Variants in ACADSB observed in about 807,000 individuals in gnomAD.
ACADSB encodes acyl-CoA dehydrogenase short/branched chain, also known as short/branched chain specific acyl-CoA dehydrogenase, mitochondrial.
Under a neutral mutation model 54.1 loss-of-function variants are expected in ACADSB, and 40 were observed. That is an observed-to-expected ratio of 0.74 (90% CI 0.57 to 0.96). The LOEUF (loss-of-function observed/expected upper bound fraction) is 0.96. ACADSB is among the 40% of genes least tolerant of loss of function. The pLI is 0.00. For missense variants in ACADSB, 530 were observed against 510.4 expected (o/e 1.04, Z -0.37); for synonymous variants, 182 against 182.8 (o/e 1.00, Z 0.03).
At chr10:123,048,061 T>C (rs916227116) in intron 8 of ACADSB, among the ~76,000 whole-genome samples, 1 of 151,602 alleles carries the variant, frequency 6.6e-6, no homozygotes, top group Non-Finnish European at 1.5e-5. Context: ...ACCAAACCTT[T>C]TAGGCAACCT....
Position 123,043,101 on chromosome 10 carries a change from T to C in ACADSB, c.737T>C (p.Ile246Thr). Residue 246 changes from isoleucine to threonine, a missense_variant, in exon 6 of 11, where the codon ATA becomes ACA. Coordinates refer to ENST00000358776, the MANE Select transcript of ACADSB (RefSeq NM_001609.4). ...LVDRDTPGLH[I>T]GKPENKLGLR... is the part of the protein sequence containing the mutation. ...GATCGTGATACTCCGGGCCTTCATATAGGGAAACCTGAAAACAAATTGGGG... is the reference window on the plus strand; with the variant it reads ...GATCGTGATACTCCGGGCCTTCATACAGGGAAACCTGAAAACAAATTGGGG... The C allele has an allele frequency of 1.2e-6, 2 of 1,614,024 alleles. No homozygotes were observed. Among genetic ancestry groups the C allele is most frequent in the East Asian group, 2.2e-5 (1 of 44,870 alleles).
chr10:123,016,568 G>A (rs1850111915), intron 1 of ACADSB, among the ~76,000 whole-genome samples: 1 of 152,140 alleles, frequency 6.6e-6, no homozygotes, highest in South Asian at 2.1e-4. Flanking sequence ...ATAGACATAC[G>A]GAGTCCTTCT....
chr10:123,018,780 G>C (rs1317059221), intron 1 of ACADSB, among the ~76,000 whole-genome samples: 1 of 152,198 alleles, frequency 6.6e-6, no homozygotes. Context: ...AGAGAGAAGT[G>C]CAGGGGAACT....
At chr10:123,044,262 G>A (rs765709345) in intron 6 of ACADSB, 131 bp from the exon 7 acceptor site, 17 of 757,718 alleles carry the variant, frequency 2.2e-5, no homozygotes, top group East Asian at 1.7e-4. Flanking sequence ...CGTAGAGGGA[G>A]ACACAGATGC....
chr10:123,053,002 G>A (rs1345236166), intron 9 of ACADSB, 59 bp from the exon 10 acceptor site: 5 of 1,329,826 alleles, frequency 3.8e-6, no homozygotes, highest in South Asian at 1.2e-5. Flanking sequence ...TTACCCAGAA[G>A]TGTTTATCAT....
chr10:123,030,672 G>A (rs12257102), intron 1 of ACADSB, among the ~76,000 whole-genome samples: 45,199 of 151,872 alleles, frequency 0.3, 7,941 homozygotes, highest in Non-Finnish European at 0.39. Flanking sequence ...TTCATATATT[G>A]TGAAAGCTTC....
At chr10:123,031,038 C>G (rs1850320236) in intron 1 of ACADSB, among the ~76,000 whole-genome samples, 1 of 152,138 alleles carries the variant, frequency 6.6e-6, no homozygotes, top group Non-Finnish European at 1.5e-5. Context: ...AGCAGTAGTT[C>G]TATTCACAGA....
chr10:123,028,252 TTTAA>T (rs144297948), intron 1 of ACADSB, among the ~76,000 whole-genome samples: 74,557 of 151,760 alleles, frequency 0.49, 19,606 homozygotes, highest in Non-Finnish European at 0.61. Context: ...AATAAACTAG[TTTAA>T]TTATTGTAAC....
At chr10:123,053,618 G>T (rs1850661761) in intron 10 of ACADSB, 77 bp from the exon 11 acceptor site, 3 of 1,220,400 alleles carry the variant, frequency 2.5e-6, no homozygotes, top group Admixed American at 3.4e-5. Flanking sequence ...AAGCGCAGAG[G>T]TGATGTTTAT....
intron 3 of ACADSB, 71 bp from the exon 4 acceptor site, chr10:123,040,395 C>A: frequency 1.6e-6 from 2 of 1,274,446 alleles, no homozygotes; most frequent in Non-Finnish European, 2.3e-6. Context: ...TATTTTTTAA[C>A]TTGTTCATGC....
At chr10:123,013,765 G>A (rs1042368372) in intron 1 of ACADSB, among the ~76,000 whole-genome samples, 1 of 152,222 alleles carries the variant, frequency 6.6e-6, no homozygotes, top group Non-Finnish European at 1.5e-5. Flanking sequence ...GCCCCTCACT[G>A]CCCGGGGCCG....
In ACADSB at chr10:123,021,670, A is replaced by AT. The variant is rs543306753; in HGVS notation, c.42+12604dup. 4.7e-3 allele frequency among the ~76,000 whole-genome samples: 711 copies of AT among 152,296 alleles called. 10 individuals are homozygous for AT. Among genetic ancestry groups the AT allele is most frequent in the Non-Finnish European group, 4.0e-3 (274 of 68,028 alleles). The stretch of plus-strand genomic sequence containing the variant: ...AGACAAAACGTGCAGTAGTTGTAAG[A>AT]TTTTTCATTTGCCAATCTGCTAATT... On this transcript the variant is annotated intron_variant, in intron 1 of 10. Coordinates refer to ENST00000358776, the MANE Select transcript of ACADSB (RefSeq NM_001609.4).
intron 2 of ACADSB, among the ~76,000 whole-genome samples, chr10:123,035,010 C>T (rs147646973): frequency 0.027 from 4,067 of 150,710 alleles, 71 homozygotes; most frequent in Middle Eastern, 0.044. Flanking sequence ...AGTGCAGTGG[C>T]GCAATCTCGG....
chr10:123,034,412 A>C lies in ACADSB; in HGVS notation c.99A>C (p.Ser33=). Residue 33 remains serine (S), a synonymous_variant, in exon 2 of 11, where the codon TCA becomes TCC. Coordinates refer to ENST00000358776, the MANE Select transcript of ACADSB (RefSeq NM_001609.4). ...LSSWKIPPHV[S]KSSQSEALLN... ...CTTGGAAGATTCCTCCTCATGTCTC[A>C]AAATCTTCCCAGTCAGAAGCTCTAC... 2 of 1,613,788 alleles carry C rather than the reference A, an allele frequency of 1.2e-6. No homozygotes were observed. The highest frequency in any genetic ancestry group is 3.3e-4 in the Middle Eastern group (2 of 6,062).
At chr10:123,047,073 A>T in intron 7 of ACADSB, 136 bp from the exon 8 acceptor site, 1 of 730,050 alleles carries the variant, frequency 1.4e-6, no homozygotes, top group Non-Finnish European at 2.4e-6. Flanking sequence ...TTATTAACAC[A>T]CACCTCACCA....
chr10:123,045,171 A>ATTT (rs1181095508), intron 7 of ACADSB, among the ~76,000 whole-genome samples: 3 of 15,368 alleles, frequency 2.0e-4, no homozygotes, highest in Non-Finnish European at 3.1e-4. Flanking sequence ...ATATATATAT[A>ATTT]TTTTTTTTTT....
intron 1 of ACADSB, among the ~76,000 whole-genome samples, chr10:123,013,984 G>A (rs1418226939): frequency 2.0e-5 from 3 of 152,246 alleles, no homozygotes; most frequent in South Asian, 2.1e-4. Flanking sequence ...CTCCTCAAGC[G>A]TGGCCAGAAT....
rs535524413 is a variant in ACADSB, at chr10:123,014,888, T to C, written c.42+5817T>C. Among the ~76,000 whole-genome samples the C allele has an allele frequency of 5.8e-4, 89 of 152,324 alleles. 1 individual carries two copies. The South Asian group carries it at 7.5e-3, about 13-fold the overall frequency. ...TGCTCAGCTTGTTTAAGAAATAATA[T>C]GCCACTATAGGTGATGTAACAGTTT... is the stretch of plus-strand genomic sequence containing the variant. On this transcript the variant is annotated intron_variant, in intron 1 of 10. Transcript: ENST00000358776.
At position 123,043,156 on chromosome 10, in the gene ACADSB, A is replaced by G. The variant is rs1370476264; in HGVS notation, c.792A>G (p.Thr264=). ...GAGCTTCTTCCACCTGCCCGTTAAC[A>G]TTCGAAAATGTCAAGGTGGGTATCG... ...GLRASSTCPL[T]FENVKVPEAN... is the part of the protein sequence containing the mutation. The change falls in exon 6 of 11, where the codon ACA becomes ACG. Residue 264 remains threonine (T), a synonymous_variant. Transcript: ENST00000358776. The G allele has an allele frequency of 1.9e-6, 3 of 1,613,830 alleles. No individual in the cohort carries two copies. The African/African-American group carries it at 4.0e-5, about 22-fold the overall frequency.
Sources: allele counts gnomAD v4.1 joint callset (sites outside exome capture counted in the v4.1 genomes callset), GRCh38; gene constraint gnomAD v4.1.1; transcripts MANE v1.5; gene names NCBI Gene and HGNC (gene_info 2026-07-23, HGNC 2026-07-21).